The following NEUROD2 variants were observed in gnomAD, a reference collection of about 807,000 sequenced individuals.
NEUROD2 encodes the protein neurogenic differentiation factor 2.
In NEUROD2, 5 loss-of-function variants were observed where a neutral mutation model predicts 9.3. The observed-to-expected ratio is 0.54, with a 90% confidence interval of 0.28 to 1.13. The LOEUF (loss-of-function observed/expected upper bound fraction) is 1.13. NEUROD2 is among the 50% of genes most tolerant of loss of function. NEUROD2 has a pLI of 0.10. For missense variants in NEUROD2, 376 were observed against 549.2 expected (o/e 0.68, Z 3.15); for synonymous variants, 277 against 257.3 (o/e 1.08, Z -0.73).
At position 39,604,178 on chromosome 17, in the gene NEUROD2, C is replaced by A. The variant is rs1182252810; in HGVS notation, c.*1273G>T. ...GGGGCTGCCCCCAGGTCTCCATCCC[C>A]ACCCCTCACCCCAGGAGGGGACAGA... On this transcript the variant is annotated 3_prime_UTR_variant, in exon 2 of 2. Coordinates refer to ENST00000302584, the MANE Select transcript of NEUROD2 (RefSeq NM_006160.4). 1.3e-5 allele frequency: 2 copies of A among 152,620 alleles called. No individual in the cohort carries two copies. The highest frequency in any genetic ancestry group is 2.1e-4 in the South Asian group (1 of 4,820). The allele number at this position is 152,620 out of a possible 1,614,324, so 9.5% of individuals were successfully genotyped here.
Position 39,605,697 on chromosome 17 carries a change from G to C in NEUROD2, c.903C>G (p.Pro301=). The C allele has an allele frequency of 6.2e-7, 1 of 1,606,232 alleles. No homozygotes were observed. The highest frequency in any genetic ancestry group is 1.7e-4 in the Middle Eastern group (1 of 6,032). The change falls in exon 2 of 2, where the codon CCC becomes CCG. Residue 301 remains proline (P), a synonymous_variant. Transcript: ENST00000302584. The surrounding 1 kb of genome is among the most constrained non-coding windows in gnomAD (Gnocchi z 6.8). ...NSSEYEGPLS[P]PLCLNGNFSL... ...AGAAGTTGCCATTGAGACAGAGCGG[G>C]GGGCTGAGCGGGCCCTCGTACTCGG...
Position 39,605,648 on chromosome 17 carries a change from C to A in NEUROD2, c.952G>T (p.Asp318Tyr). The change falls in exon 2 of 2, where the codon GAC becomes TAC. Residue 318 changes from aspartate to tyrosine, a missense_variant. By Grantham distance (160) the Asp-to-Tyr change is radical. Transcript: ENST00000302584. The surrounding 1 kb of genome is among the most constrained non-coding windows in gnomAD (Gnocchi z 6.8). ...GAGTAGTGGTAGCTTTTCTCGTGGT[C>A]GGGCGAGGAGTCCTGCTTGAGTGAG... ...NFSLKQDSSP[D>Y]HEKSYHYSMH... 6.2e-7 allele frequency: 1 copy of A among 1,612,632 alleles called. No individual in the cohort carries two copies. Among genetic ancestry groups the A allele is most frequent in the Non-Finnish European group, 8.5e-7 (1 of 1,179,448 alleles).
Position 39,606,394 on chromosome 17 carries a change from G to C in NEUROD2, c.206C>G (p.Thr69Arg). The C allele has an allele frequency of 6.5e-7, 1 of 1,548,058 alleles. No individual in the cohort carries two copies. The highest frequency in any genetic ancestry group is 8.7e-7 in the Non-Finnish European group (1 of 1,148,868). ...GCCTTCCTCCTTGACCTCGGCCAAC[G>C]TGGCCTCCGTCCCCTCTTCTCCACG... Reference protein sequence around the residue: ...PLRGEEGTEATLAEVKEEGEL... With the variant: ...PLRGEEGTEARLAEVKEEGEL... Residue 69 changes from threonine (T) to arginine (R), a missense_variant, in exon 2 of 2, where the codon ACG (threonine) becomes AGG (arginine). Transcript: ENST00000302584. This position sits in a 1 kb window ranked among gnomAD's most constrained non-coding sequence, Gnocchi z 7.8.
rs781132075 is a variant in NEUROD2, at chr17:39,605,766, A to G, written c.834T>C (p.Tyr278=). 6.8e-7 allele frequency: 1 copy of G among 1,475,878 alleles called. No homozygotes were observed. The highest frequency in any genetic ancestry group is 1.4e-5 in the South Asian group (1 of 73,654). The allele number at this position is 1,475,878 out of a possible 1,614,324, so 91.4% of individuals were successfully genotyped here. A position where few individuals can be genotyped will look rare whatever the true frequency, so the allele number is the denominator to read the frequency against. Residue 278 remains tyrosine (Y), a synonymous_variant, in exon 2 of 2, where the codon TAT becomes TAC. Coordinates refer to ENST00000302584, the MANE Select transcript of NEUROD2 (RefSeq NM_006160.4). This position sits in a 1 kb window ranked among gnomAD's most constrained non-coding sequence, Gnocchi z 6.8. ...TCGCGCCGCCACCGCCTGCCGCCGC[A>G]TACAGCGTCTCGTAGGCGGCGCAGT... ...HGYCAAYETL[Y]AAAGGGGASP...
chr17:39,606,579 G>T lies in NEUROD2; in HGVS notation c.21C>A (p.Ser7Arg). 1 of 1,582,808 alleles carries T rather than the reference G, an allele frequency of 6.3e-7. No individual in the cohort carries two copies. Among genetic ancestry groups the T allele is most frequent in the Non-Finnish European group, 8.5e-7 (1 of 1,174,708 alleles). MLTRLF[S>R]EPGLLSDVPK... ...GCACGTCCGAGAGAAGGCCGGGCTC[G>T]CTGAACAGGCGGGTCAGCATGGTGC... The change falls in exon 2 of 2, where the codon AGC becomes AGA. Residue 7 changes from serine to arginine, a missense_variant. Transcript: ENST00000302584. The surrounding 1 kb of genome is among the most constrained non-coding windows in gnomAD (Gnocchi z 7.8).
Position 39,604,540 on chromosome 17 carries a change from C to T in NEUROD2, c.*911G>A, listed in dbSNP as rs377678800. 16 of 151,256 alleles carry T rather than the reference C, an allele frequency of 1.1e-4. No individual in the cohort carries two copies. The highest frequency in any genetic ancestry group is 4.2e-4 in the South Asian group (2 of 4,786). The allele number at this position is 151,256 out of a possible 1,614,324, so 9.4% of individuals were successfully genotyped here. On this transcript the variant is annotated 3_prime_UTR_variant, in exon 2 of 2. Coordinates refer to ENST00000302584, the MANE Select transcript of NEUROD2 (RefSeq NM_006160.4). ...AGATCCGCGCTCGGGCGGGGCGGCCCGCAGGCCGGGCGGGGCATCCCGGGG... is the reference window on the plus strand; with the variant it reads ...AGATCCGCGCTCGGGCGGGGCGGCCTGCAGGCCGGGCGGGGCATCCCGGGG...
In NEUROD2 at chr17:39,605,524, A is replaced by G; in HGVS notation, c.1076T>C (p.Leu359Ser). 6.2e-7 allele frequency: 1 copy of G among 1,613,326 alleles called. No homozygotes were observed. Among genetic ancestry groups the G allele is most frequent in the Non-Finnish European group, 8.5e-7 (1 of 1,179,728 alleles). Reference protein sequence around the residue: ...VRGGVHSENLLSYDMHLHHDR... With the variant: ...VRGGVHSENLSSYDMHLHHDR... ...GTGGTGAAGGTGCATATCGTAAGACAAGAGATTCTCCGAGTGGACGCCCCC... is the reference window on the plus strand; with the variant it reads ...GTGGTGAAGGTGCATATCGTAAGACGAGAGATTCTCCGAGTGGACGCCCCC... Residue 359 changes from leucine to serine, a missense_variant, in exon 2 of 2, where the codon TTG (leucine) becomes TCG (serine). This residue lies in a region of NEUROD2 where 193 missense variants were observed against 255.8 expected (regional missense o/e 0.75). Coordinates refer to ENST00000302584, the MANE Select transcript of NEUROD2 (RefSeq NM_006160.4). This position sits in a 1 kb window ranked among gnomAD's most constrained non-coding sequence, Gnocchi z 6.8.
At chr17:39,607,691 C>T in intron 1 of NEUROD2, 37 bp downstream of exon 1, 1 of 972,912 alleles carries the variant, frequency 1.0e-6, no homozygotes, top group African/African-American at 1.8e-5. Flanking sequence ...TCCTCCCAAC[C>T]GGCGGGTCAG....
In NEUROD2 at chr17:39,605,445, G is replaced by A; in HGVS notation, c.*6C>T. On this transcript the variant is annotated 3_prime_UTR_variant, in exon 2 of 2. Transcript: ENST00000302584. The surrounding 1 kb of genome is among the most constrained non-coding windows in gnomAD (Gnocchi z 6.8). ...AAAAGAAAAAGAAGGGAGCCGGCGC[G>A]AAGTCTCAGTTATGAAAAAACGCAT... is the stretch of plus-strand genomic sequence containing the variant. The A allele has an allele frequency of 6.4e-7, 1 of 1,563,450 alleles. No individual in the cohort carries two copies. Among genetic ancestry groups the A allele is most frequent in the Non-Finnish European group, 8.7e-7 (1 of 1,150,592 alleles).
chr17:39,606,822 C>A lies in NEUROD2; in HGVS notation c.-5-218G>T. On this transcript the variant is annotated intron_variant, in intron 1 of 1. Transcript: ENST00000302584. The surrounding 1 kb of genome is among the most constrained non-coding windows in gnomAD (Gnocchi z 7.8). ...GGGATCTCGGCCCAGGCCCTCTCCCCGGCGCTGGGCCCCGGCTCCGCCCCT... is the reference window on the plus strand; with the variant it reads ...GGGATCTCGGCCCAGGCCCTCTCCCAGGCGCTGGGCCCCGGCTCCGCCCCT... 1 of 492,606 alleles carries A rather than the reference C, an allele frequency of 2.0e-6. No homozygotes were observed. The allele number at this position is 492,606 out of a possible 1,614,324, so 30.5% of individuals were successfully genotyped here.
At position 39,606,944 on chromosome 17, in the gene NEUROD2, A is replaced by T; in HGVS notation, c.-5-340T>A. 1 of 207,070 alleles carries T rather than the reference A, an allele frequency of 4.8e-6. No individual in the cohort carries two copies. Among genetic ancestry groups the T allele is most frequent in the Non-Finnish European group, 9.6e-6 (1 of 104,210 alleles). 12.8% of individuals were successfully genotyped at this position (207,070 alleles called of 1,614,324 possible). A position where few individuals can be genotyped will look rare whatever the true frequency, so the allele number is the denominator to read the frequency against. On this transcript the variant is annotated intron_variant, in intron 1 of 1. Coordinates refer to ENST00000302584, the MANE Select transcript of NEUROD2 (RefSeq NM_006160.4). This position sits in a 1 kb window ranked among gnomAD's most constrained non-coding sequence, Gnocchi z 7.8. Reference sequence around the variant, plus strand: ...AGGGACCAGATATCTTTGCCAGGGGAGGCGGCGCGCTCGCCCTGAAAGCCC... The same window carrying T: ...AGGGACCAGATATCTTTGCCAGGGGTGGCGGCGCGCTCGCCCTGAAAGCCC...
At position 39,607,587 on chromosome 17, in the gene NEUROD2, A is replaced by G. The variant is rs530506921; in HGVS notation, c.-6+141T>C. 1.1e-5 allele frequency: 11 copies of G among 984,554 alleles called. No individual in the cohort carries two copies. The East Asian group carries it at 1.3e-3, about 113-fold the overall frequency. The allele number at this position is 984,554 out of a possible 1,614,324, so 61.0% of individuals were successfully genotyped here. On this transcript the variant is annotated intron_variant, in intron 1 of 1. Transcript: ENST00000302584. ...GGCTGCAGCCCCTAAGGGAGAGAGA[A>G]CCTGGGGCCCCTCCGATGCCCACCC...
rs1326567870 is a variant in NEUROD2, at chr17:39,605,691, G to A, written c.909C>T (p.Leu303=). 2.5e-6 allele frequency: 4 copies of A among 1,609,070 alleles called. No homozygotes were observed. Among genetic ancestry groups the A allele is most frequent in the Non-Finnish European group, 3.4e-6 (4 of 1,177,972 alleles). ...TGAGTGAGAAGTTGCCATTGAGACAGAGCGGGGGGCTGAGCGGGCCCTCGT... is the reference window on the plus strand; with the variant it reads ...TGAGTGAGAAGTTGCCATTGAGACAAAGCGGGGGGCTGAGCGGGCCCTCGT... ...SEYEGPLSPP[L]CLNGNFSLKQ... Residue 303 remains leucine (L), a synonymous_variant, in exon 2 of 2, where the codon CTC becomes CTT. Coordinates refer to ENST00000302584, the MANE Select transcript of NEUROD2 (RefSeq NM_006160.4). The surrounding 1 kb of genome is among the most constrained non-coding windows in gnomAD (Gnocchi z 6.8).
chr17:39,605,772 C>A lies in NEUROD2; in HGVS notation c.828G>T (p.Thr276=), dbSNP rs552372057. The A allele has an allele frequency of 1.0e-4, 153 of 1,462,766 alleles. No homozygotes were observed. Among genetic ancestry groups the A allele is most frequent in the East Asian group, 1.9e-4 (7 of 36,006 alleles). 90.6% of individuals were successfully genotyped at this position (1,462,766 alleles called of 1,614,324 possible). ...RTHGYCAAYE[T]LYAAAGGGGA... ...CGCCACCGCCTGCCGCCGCATACAG[C>A]GTCTCGTAGGCGGCGCAGTAGCCGT... The change falls in exon 2 of 2, where the codon ACG becomes ACT. Residue 276 remains threonine, a synonymous_variant. Transcript: ENST00000302584. The surrounding 1 kb of genome is among the most constrained non-coding windows in gnomAD (Gnocchi z 6.8).
In NEUROD2 at chr17:39,605,194, T is replaced by C; in HGVS notation, c.*257A>G. On this transcript the variant is annotated 3_prime_UTR_variant, in exon 2 of 2. Coordinates refer to ENST00000302584, the MANE Select transcript of NEUROD2 (RefSeq NM_006160.4). This position sits in a 1 kb window ranked among gnomAD's most constrained non-coding sequence, Gnocchi z 6.8. ...CAGGGAGCCCCCGGAGAGAGGTCCC[T>C]GGAGAAGCACTCCTTGGGAGAGAGG... 2.6e-6 allele frequency: 1 copy of C among 386,174 alleles called. No individual in the cohort carries two copies. Among genetic ancestry groups the C allele is most frequent in the Non-Finnish European group, 4.6e-6 (1 of 217,296 alleles). 23.9% of individuals were successfully genotyped at this position (386,174 alleles called of 1,614,324 possible). A position where few individuals can be genotyped will look rare whatever the true frequency, so the allele number is the denominator to read the frequency against.
chr17:39,605,696 G>C lies in NEUROD2; in HGVS notation c.904C>G (p.Pro302Ala). ...SSEYEGPLSP[P>A]LCLNGNFSLK... The stretch of plus-strand genomic sequence containing the variant: ...GAGAAGTTGCCATTGAGACAGAGCG[G>C]GGGGCTGAGCGGGCCCTCGTACTCG... Residue 302 changes from proline (P) to alanine (A), a missense_variant, in exon 2 of 2, where the codon CCG becomes GCG. Physicochemically the swap from Pro to Ala is conservative, Grantham distance 27 (BLOSUM62 -1). This residue lies in a region of NEUROD2 where 193 missense variants were observed against 255.8 expected (regional missense o/e 0.75). Transcript: ENST00000302584. The surrounding 1 kb of genome is among the most constrained non-coding windows in gnomAD (Gnocchi z 6.8). 1 of 1,607,404 alleles carries C rather than the reference G, an allele frequency of 6.2e-7. No homozygotes were observed. Among genetic ancestry groups the C allele is most frequent in the African/African-American group, 1.3e-5 (1 of 74,678 alleles).
chr17:39,607,788 G>C lies in NEUROD2; in HGVS notation c.-66C>G, dbSNP rs2056776363. The C allele has an allele frequency of 6.1e-6, 1 of 164,318 alleles. No individual in the cohort carries two copies. The allele number at this position is 164,318 out of a possible 1,614,324, so 10.2% of individuals were successfully genotyped here. A position where few individuals can be genotyped will look rare whatever the true frequency, so the allele number is the denominator to read the frequency against. ...GGGGGAGGGGGCAAGAGAGAGAGGGGGGAGAAGAGGGATCTTCTCGCTTAT... is the reference window on the plus strand; with the variant it reads ...GGGGGAGGGGGCAAGAGAGAGAGGGCGGAGAAGAGGGATCTTCTCGCTTAT... On this transcript the variant is annotated 5_prime_UTR_variant, in exon 1 of 2. Coordinates refer to ENST00000302584, the MANE Select transcript of NEUROD2 (RefSeq NM_006160.4).
At position 39,606,604 on chromosome 17, in the gene NEUROD2, C is replaced by T. The variant is rs772083809; in HGVS notation, c.-5G>A. On this transcript the variant is annotated splice_region_variant and 5_prime_UTR_variant, in exon 2 of 2. Coordinates refer to ENST00000302584, the MANE Select transcript of NEUROD2 (RefSeq NM_006160.4). The surrounding 1 kb of genome is among the most constrained non-coding windows in gnomAD (Gnocchi z 7.8). Reference sequence around the variant, plus strand: ...GCTGAACAGGCGGGTCAGCATGGTGCCTGAGGGCGCCCCGCGGGCGGGAAG... The same window carrying T: ...GCTGAACAGGCGGGTCAGCATGGTGTCTGAGGGCGCCCCGCGGGCGGGAAG... 2 of 1,546,740 alleles carry T rather than the reference C, an allele frequency of 1.3e-6. No individual in the cohort carries two copies. The highest frequency in any genetic ancestry group is 1.7e-6 in the Non-Finnish European group (2 of 1,159,402).
chr17:39,604,402 G>C lies in NEUROD2; in HGVS notation c.*1049C>G, dbSNP rs1212369526. The C allele has an allele frequency of 3.3e-5, 5 of 152,798 alleles. No individual in the cohort carries two copies. Among genetic ancestry groups the C allele is most frequent in the African/African-American group, 1.2e-4 (5 of 41,452 alleles). 9.5% of individuals were successfully genotyped at this position (152,798 alleles called of 1,614,324 possible). On this transcript the variant is annotated 3_prime_UTR_variant, in exon 2 of 2. Coordinates refer to ENST00000302584, the MANE Select transcript of NEUROD2 (RefSeq NM_006160.4). ...TAAAAAACAGCATGACGCACAACGG[G>C]GACGGGGCGGGGGAGGGCAGTGGCA... is the stretch of plus-strand genomic sequence containing the variant.
Sources: allele counts gnomAD v4.1 joint callset, GRCh38; gene constraint gnomAD v4.1.1; regional missense constraint gnomAD v4.1.1; non-coding constraint Gnocchi (gnomAD v3.1); transcripts MANE v1.5; gene names NCBI Gene and HGNC (gene_info 2026-07-23, HGNC 2026-07-21).